ZMYND12: variants seen among roughly 807,000 people sequenced by gnomAD.
The protein encoded by ZMYND12 is zinc finger MYND-type containing 12, also known as zinc finger MYND domain-containing protein 12.
A neutral mutation model predicts 41.7 loss-of-function variants in ZMYND12; 32 were observed. That is an observed-to-expected ratio of 0.77 (90% CI 0.58 to 1.03). The LOEUF is 1.03. Among genes scored for constraint, ZMYND12 ranks in the 50% least tolerant of loss-of-function variants. The pLI is 0.00. For missense variants in ZMYND12, 424 were observed against 438.5 expected (o/e 0.97, Z 0.30); for synonymous variants, 148 against 164.8 (o/e 0.90, Z 0.78).
intron 3 of ZMYND12, among the ~76,000 whole-genome samples, chr1:42,444,915 C>G (rs556800658): frequency 1.3e-5 from 2 of 149,642 alleles, no homozygotes; most frequent in African/African-American, 4.9e-5. Flanking sequence ...TCATGCCATT[C>G]TCCTGCTCCA....
At chr1:42,436,211 G>A (rs1007585919) in intron 5 of ZMYND12, among the ~76,000 whole-genome samples, 9 of 152,178 alleles carry the variant, frequency 5.9e-5, no homozygotes, top group Non-Finnish European at 1.3e-4. Flanking sequence ...CCCTACGGAT[G>A]TTAAGGGTTA....
In ZMYND12 at chr1:42,433,283, C is replaced by T. The variant is rs1457970443; in HGVS notation, c.835G>A (p.Ala279Thr). 6.2e-7 allele frequency: 1 copy of T among 1,605,022 alleles called. No individual in the cohort carries two copies. Among genetic ancestry groups the T allele is most frequent in the Non-Finnish European group, 8.5e-7 (1 of 1,177,426 alleles). Residue 279 changes from alanine to threonine, a missense_variant, in exon 7 of 8, where the codon GCC becomes ACC. Transcript: ENST00000372565. Reference protein sequence around the residue: ...LFENDTGLDEAQEAEAIRILT... With the variant: ...LFENDTGLDETQEAEAIRILT... The stretch of plus-strand genomic sequence containing the variant: ...ATGCGAATGGCTTCTGCTTCTTGGG[C>T]TTCATCTGCATTGGAAGGGGAAGAA...
intron 7 of ZMYND12, among the ~76,000 whole-genome samples, chr1:42,432,096 A>G (rs1256925326): frequency 7.4e-6 from 1 of 135,756 alleles, no homozygotes; most frequent in Non-Finnish European, 1.5e-5. Context: ...TTGCTCTGTC[A>G]CCCAGGCTAG....
intron 3 of ZMYND12, among the ~76,000 whole-genome samples, chr1:42,444,874 C>G (rs1349119887): frequency 7.0e-6 from 1 of 143,368 alleles, no homozygotes. Context: ...GTGGTGCGAT[C>G]TCCTCTCACT....
At chr1:42,444,018 A>G (rs1251746045) in intron 3 of ZMYND12, among the ~76,000 whole-genome samples, 3 of 152,160 alleles carry the variant, frequency 2.0e-5, no homozygotes, top group African/African-American at 7.2e-5. Flanking sequence ...AGTGCATGCC[A>G]CCATGACCGC....
At chr1:42,439,828 T>C (rs748058676) in intron 4 of ZMYND12, 28 bp downstream of exon 4, 3 of 1,575,976 alleles carry the variant, frequency 1.9e-6, no homozygotes, top group Non-Finnish European at 2.6e-6. Context: ...TTTGGAAATA[T>C]ACAGGTGTTA....
intron 3 of ZMYND12, among the ~76,000 whole-genome samples, chr1:42,447,953 T>C (rs549336264): frequency 1.3e-5 from 2 of 152,304 alleles, no homozygotes; most frequent in African/African-American, 4.8e-5. Flanking sequence ...CAAAATTCTG[T>C]CTTCTACGAA....
At chr1:42,435,869 A>T (rs549364056) in intron 5 of ZMYND12, among the ~76,000 whole-genome samples, 15 of 152,324 alleles carry the variant, frequency 9.8e-5, no homozygotes, top group African/African-American at 3.1e-4. Flanking sequence ...GCAGGTCTAA[A>T]ACATGAATCA....
At chr1:42,432,060 C>CTTTTTTTTTTTTTTT (rs111394001) in intron 7 of ZMYND12, among the ~76,000 whole-genome samples, 2 of 132,968 alleles carry the variant, frequency 1.5e-5, no homozygotes, top group Non-Finnish European at 3.1e-5. Context: ...TTTTCTTTTT[C>CTTTTTTTTTTTTTTT]TTTTTTTTTT....
intron 1 of ZMYND12, 131 bp downstream of exon 1, chr1:42,455,757 G>A (rs1569586016): frequency 1.5e-6 from 1 of 651,078 alleles, no homozygotes; most frequent in South Asian, 1.9e-5. Context: ...TTAGGGGCCT[G>A]TCTTAAAGCC....
At chr1:42,453,646 G>T (rs540174877) in intron 1 of ZMYND12, among the ~76,000 whole-genome samples, 8 of 152,274 alleles carry the variant, frequency 5.3e-5, no homozygotes, top group African/African-American at 1.7e-4. Flanking sequence ...AGAGGACAGG[G>T]GTGTTTTAAG....
intron 6 of ZMYND12, 56 bp from the exon 7 acceptor site, chr1:42,433,344 C>T: frequency 6.5e-7 from 1 of 1,527,338 alleles, no homozygotes; most frequent in East Asian, 2.4e-5. Context: ...AGTCTGCCCT[C>T]ATCAAAAGCA....
At chr1:42,444,965 G>A (rs1175729685) in intron 3 of ZMYND12, among the ~76,000 whole-genome samples, 1 of 151,146 alleles carries the variant, frequency 6.6e-6, no homozygotes, top group African/African-American at 2.4e-5. Context: ...CCGCCACCAC[G>A]CCCGGCTAAT....
At chr1:42,450,803 C>T (rs1643076078) in intron 1 of ZMYND12, among the ~76,000 whole-genome samples, 1 of 152,116 alleles carries the variant, frequency 6.6e-6, no homozygotes. Flanking sequence ...TTTCATTTAT[C>T]TCAAAGCATT....
rs369723426 is a variant in ZMYND12 at position 42,440,072 on chromosome 1, G to T, written c.425-47C>A. ...GGTTATAATTCATATCCAGGCCAAA[G>T]AACACATGAGGAAATATGAGTCATT... On this transcript the variant is annotated intron_variant, in intron 3 of 7. Coordinates refer to ENST00000372565, the MANE Select transcript of ZMYND12 (RefSeq NM_032257.5). 2.6e-6 allele frequency: 4 copies of T among 1,529,574 alleles called. No individual in the cohort carries two copies. The Admixed American group carries it at 6.6e-5, about 25-fold the overall frequency. The allele number at this position is 1,529,574 out of a possible 1,614,324, so 94.8% of individuals were successfully genotyped here.
chr1:42,451,753 A>G (rs1422756737), intron 1 of ZMYND12, among the ~76,000 whole-genome samples: 3 of 152,232 alleles, frequency 2.0e-5, no homozygotes, highest in Non-Finnish European at 2.9e-5. Flanking sequence ...AAACAGATCA[A>G]TAAAAGCACT....
At chr1:42,441,708 C>T (rs1253567918) in intron 3 of ZMYND12, among the ~76,000 whole-genome samples, 2 of 151,776 alleles carry the variant, frequency 1.3e-5, no homozygotes, top group African/African-American at 4.8e-5. Flanking sequence ...GCAAGCTCCG[C>T]CTCCCAGGTT....
chr1:42,449,819 G>A lies in ZMYND12; in HGVS notation c.252+99C>T, dbSNP rs186263721. ...ATATAAAACAAAGTCTCTGCCCTCC[G>A]TGAGGTTACAATTTAGTGATCCCAA... On this transcript the variant is annotated intron_variant, in intron 2 of 7. Coordinates refer to ENST00000372565, the MANE Select transcript of ZMYND12 (RefSeq NM_032257.5). 5.6e-4 allele frequency: 809 copies of A among 1,448,776 alleles called. 1 individual carries two copies. The highest frequency in any genetic ancestry group is 2.9e-3 in the East Asian group (125 of 43,650). The allele number at this position is 1,448,776 out of a possible 1,614,324, so 89.7% of individuals were successfully genotyped here.
intron 7 of ZMYND12, 36 bp from the exon 8 acceptor site, chr1:42,430,894 A>C: frequency 6.2e-7 from 1 of 1,612,262 alleles, no homozygotes. Flanking sequence ...GGAAGTTGTC[A>C]CAGGAAAGCA....
Sources: allele counts gnomAD v4.1 joint callset (sites outside exome capture counted in the v4.1 genomes callset), GRCh38; gene constraint gnomAD v4.1.1; transcripts MANE v1.5; gene names NCBI Gene and HGNC (gene_info 2026-07-23, HGNC 2026-07-21).